Variants in AFF4 observed in about 807,000 individuals in gnomAD.
AFF4 encodes AF4/FMR2 family member 4.
A neutral mutation model predicts 124.8 loss-of-function variants in AFF4; 13 were observed. The observed-to-expected ratio is 0.10, with a 90% CI of 0.07 to 0.17. The LOEUF (loss-of-function observed/expected upper bound fraction) is 0.17. AFF4 is among the 10% of genes least tolerant of loss of function. The pLI, the probability that AFF4 is intolerant of heterozygous loss-of-function variation, is 1.00. For missense variants in AFF4, 1,092 were observed against 1,403.8 expected (o/e 0.78, Z 3.55); for synonymous variants, 477 against 496.1 (o/e 0.96, Z 0.51).
chr5:132,899,131 T>G lies in AFF4; in HGVS notation c.1199A>C (p.Lys400Thr), dbSNP rs1318488034. The G allele has an allele frequency of 2.5e-6, 4 of 1,613,240 alleles. No individual in the cohort carries two copies. The highest frequency in any genetic ancestry group is 3.4e-6 in the Non-Finnish European group (4 of 1,179,412). Reference sequence around the variant, plus strand: ...TCCTGGTGTACTCCTCGGCATTGTCTTATCACAATCCTAAAATTAAAACAT... The same window carrying G: ...TCCTGGTGTACTCCTCGGCATTGTCGTATCACAATCCTAAAATTAAAACAT... ...EDSDGEQDCD[K>T]TMPRSTPGSN... The change falls in exon 9 of 21, where the codon AAG (lysine) becomes ACG (threonine). Residue 400 changes from lysine to threonine, a missense_variant. Around this residue, in one of 11 missense-constraint regions of AFF4, gnomAD observed 148 missense variants for 196.3 expected, o/e 0.75. Transcript: ENST00000265343.
chr5:132,958,787 A>C (rs143347872), intron 1 of AFF4, among the ~76,000 whole-genome samples: 7 of 152,188 alleles, frequency 4.6e-5, no homozygotes, highest in Non-Finnish European at 1.0e-4. Context: ...CCACTAGGCA[A>C]CTCCAAACTG....
At chr5:132,882,451 T>C (rs1262670009) in intron 20 of AFF4, among the ~76,000 whole-genome samples, 1 of 152,216 alleles carries the variant, frequency 6.6e-6, no homozygotes, top group East Asian at 1.9e-4. Flanking sequence ...ATGGTGGTTA[T>C]ACAGTACTTT....
At chr5:132,903,765 A>C (rs1760607775) in intron 6 of AFF4, 1 of 152,242 alleles carries the variant, frequency 6.6e-6, no homozygotes, top group African/African-American at 2.4e-5. Flanking sequence ...TCATAGAGCC[A>C]AGTATCTTCA....
rs547303189 is a variant in AFF4, at chr5:132,922,507, C to T, written c.1050+4614G>A. On this transcript the variant is annotated intron_variant, in intron 5 of 20. Transcript: ENST00000265343. ...TTTAATAACCAAAAATGAGGTTGGG[C>T]TCAGTGGTTCATGCCTGTAATCCCA... Among the ~76,000 whole-genome samples, 7 of 152,232 alleles carry T rather than the reference C, an allele frequency of 4.6e-5. No homozygotes were observed. In the East Asian group the frequency reaches 1.4e-3, roughly 29 times the overall value.
At chr5:132,926,073 A>T (rs1268872363) in intron 5 of AFF4, 2 of 172,598 alleles carry the variant, frequency 1.2e-5, no homozygotes, top group Non-Finnish European at 2.5e-5. Context: ...CTCTACATGC[A>T]GTAACATGGA....
chr5:132,932,168 A>T lies in AFF4; in HGVS notation c.963+10T>A, dbSNP rs200434302. The T allele has an allele frequency of 5.1e-6, 8 of 1,556,764 alleles. No individual in the cohort carries two copies. The highest frequency in any genetic ancestry group is 3.7e-5 in the Admixed American group (2 of 54,018). ...AAAGAAATTGAAATGATTTTTTTTA[A>T]AAAACTTACTTTTAGGATTTCATCC... is the stretch of plus-strand genomic sequence containing the variant. On this transcript the variant is annotated intron_variant, in intron 4 of 20. Transcript: ENST00000265343.
intron 10 of AFF4, among the ~76,000 whole-genome samples, chr5:132,897,538 T>C (rs10057384): frequency 0.87 from 132,501 of 152,040 alleles, 58,484 homozygotes; most frequent in African/African-American, 0.94. Flanking sequence ...GGTGAAATCC[T>C]GTCTCTATTA....
chr5:132,900,577 CA>C (rs1014006219), intron 7 of AFF4, among the ~76,000 whole-genome samples: 5 of 151,534 alleles, frequency 3.3e-5, no homozygotes, highest in Non-Finnish European at 4.4e-5. Flanking sequence ...CAAAACAAAA[CA>C]AAAAAAACTC....
At chr5:132,948,084 C>T (rs577783961) in intron 1 of AFF4, among the ~76,000 whole-genome samples, 10 of 151,920 alleles carry the variant, frequency 6.6e-5, no homozygotes, top group Non-Finnish European at 1.3e-4. Context: ...TGGAGTCTTG[C>T]TCTGTCGCCA....
intron 5 of AFF4, among the ~76,000 whole-genome samples, chr5:132,924,025 G>A (rs188747724): frequency 7.0e-4 from 106 of 152,154 alleles, no homozygotes; most frequent in Middle Eastern, 3.4e-3. Flanking sequence ...GGAGGCTAAC[G>A]CAGGTGGATC....
chr5:132,928,354 CA>C (rs1281991047), intron 4 of AFF4, among the ~76,000 whole-genome samples: 1 of 152,156 alleles, frequency 6.6e-6, no homozygotes. Context: ...CAAAGGTCAT[CA>C]AAACCTTAAA....
At chr5:132,886,658 A>C (rs1431534160) in intron 17 of AFF4, among the ~76,000 whole-genome samples, 3 of 152,260 alleles carry the variant, frequency 2.0e-5, no homozygotes, top group Non-Finnish European at 2.9e-5. Flanking sequence ...TCCATAGGAC[A>C]CCAACATGTC....
At chr5:132,902,911 G>A (rs534384292) in intron 6 of AFF4, among the ~76,000 whole-genome samples, 1 of 152,314 alleles carries the variant, frequency 6.6e-6, no homozygotes, top group South Asian at 2.1e-4. Context: ...TAGGGGACTA[G>A]TGAAATAAAT....
At chr5:132,887,482 T>C in intron 17 of AFF4, 39 bp downstream of exon 17, 1 of 1,551,702 alleles carries the variant, frequency 6.4e-7, no homozygotes, top group Non-Finnish European at 8.9e-7. Flanking sequence ...ATTATAGAAC[T>C]TCCTGTATCT....
intron 5 of AFF4, among the ~76,000 whole-genome samples, chr5:132,911,095 T>C (rs1407098317): frequency 6.6e-6 from 1 of 152,156 alleles, no homozygotes; most frequent in African/African-American, 2.4e-5. Context: ...TTTCCTAAGG[T>C]TACCTCTTCT....
intron 1 of AFF4, among the ~76,000 whole-genome samples, chr5:132,958,851 C>G (rs1762017968): frequency 6.6e-6 from 1 of 152,160 alleles, no homozygotes; most frequent in African/African-American, 2.4e-5. Flanking sequence ...AGCCCTGTCC[C>G]CGAACAGATC....
rs901968873 is a variant in AFF4, at chr5:132,879,433, T to C, written c.*1626A>G. 9.7e-6 allele frequency: 2 copies of C among 205,304 alleles called. No individual in the cohort carries two copies. Among genetic ancestry groups the C allele is most frequent in the South Asian group, 1.9e-4 (1 of 5,290 alleles). The allele number at this position is 205,304 out of a possible 1,614,324, so 12.7% of individuals were successfully genotyped here. On this transcript the variant is annotated 3_prime_UTR_variant, in exon 21 of 21. Coordinates refer to ENST00000265343, the MANE Select transcript of AFF4 (RefSeq NM_014423.4). ...GGACAAACTATTTTTCAAAGCAGCA[T>C]TACCCAACTGGTTAGACTAAGTCAT...
intron 19 of AFF4, among the ~76,000 whole-genome samples, chr5:132,884,391 G>A (rs1015872627): frequency 7.9e-5 from 12 of 151,924 alleles, no homozygotes; most frequent in African/African-American, 2.4e-4. Context: ...AGGCGCGCAC[G>A]ACACCACACC....
rs539981675 is a variant in AFF4, at chr5:132,884,925, A to G, written c.3143+151T>C. Reference sequence around the variant, plus strand: ...TTTATATTTTCAATTCCTAAAAAATACAGAGAAAAAATTATAACTTCTAAA... The same window carrying G: ...TTTATATTTTCAATTCCTAAAAAATGCAGAGAAAAAATTATAACTTCTAAA... On this transcript the variant is annotated intron_variant, in intron 19 of 20. Coordinates refer to ENST00000265343, the MANE Select transcript of AFF4 (RefSeq NM_014423.4). The G allele has an allele frequency of 4.8e-4, 261 of 539,870 alleles. 2 individuals are homozygous for G. Among genetic ancestry groups the G allele is most frequent in the African/African-American group, 4.7e-3 (241 of 50,846 alleles). The allele number at this position is 539,870 out of a possible 1,614,324, so 33.4% of individuals were successfully genotyped here. A position where few individuals can be genotyped will look rare whatever the true frequency, so the allele number is the denominator to read the frequency against.
Sources: allele counts gnomAD v4.1 joint callset (sites outside exome capture counted in the v4.1 genomes callset), GRCh38; gene constraint gnomAD v4.1.1; regional missense constraint gnomAD v4.1.1; transcripts MANE v1.5; gene names NCBI Gene and HGNC (gene_info 2026-07-23, HGNC 2026-07-21).